Variants in GLIS3 observed in about 807,000 individuals in gnomAD.
GLIS3 encodes the protein zinc finger protein GLIS3.
A neutral mutation model predicts 78.6 loss-of-function variants in GLIS3; 53 were observed. That is an observed-to-expected ratio of 0.67 (90% CI 0.54 to 0.85). The LOEUF is 0.85. Ranked by LOEUF, GLIS3 falls within the 40% of genes least tolerant of loss-of-function variation. The probability of loss-of-function intolerance (pLI) is 0.00; values close to 1 mark genes in which losing one functional copy is unlikely to be tolerated. For missense variants in GLIS3, 1,703 were observed against 1,231.1 expected (o/e 1.38, Z -5.74); for synonymous variants, 684 against 509.9 (o/e 1.34, Z -4.60).
intron 8 of GLIS3, among the ~76,000 whole-genome samples, chr9:3,858,062 C>A (rs1305406179): frequency 1.3e-5 from 2 of 152,154 alleles, no homozygotes; most frequent in African/African-American, 2.4e-5. Flanking sequence ...ACCTATGGTA[C>A]TATTTAACAG....
At chr9:4,042,101 G>A (rs940178403) in intron 4 of GLIS3, among the ~76,000 whole-genome samples, 1 of 151,948 alleles carries the variant, frequency 6.6e-6, no homozygotes, top group Non-Finnish European at 1.5e-5. Context: ...TAGAACGCAC[G>A]TTAATCATTT....
At chr9:4,070,576 G>A (rs919099393) in intron 4 of GLIS3, among the ~76,000 whole-genome samples, 8 of 152,086 alleles carry the variant, frequency 5.3e-5, no homozygotes, top group Admixed American at 1.3e-4. Flanking sequence ...AAGCGAGAGA[G>A]AAAGGAGGGT....
intron 4 of GLIS3, among the ~76,000 whole-genome samples, chr9:4,068,917 A>C (rs1045383711): frequency 1.3e-5 from 2 of 151,938 alleles, no homozygotes; most frequent in Non-Finnish European, 2.9e-5. Flanking sequence ...TGGTCTGTCC[A>C]CTGATTAAAG....
intron 2 of GLIS3, among the ~76,000 whole-genome samples, chr9:4,190,207 G>A (rs139795149): frequency 2.0e-5 from 3 of 152,218 alleles, no homozygotes; most frequent in Admixed American, 1.3e-4. Context: ...AGTTGAGAGT[G>A]AAGGCTTCAG....
chr9:4,243,395 C>G (rs1247836578), intron 2 of GLIS3, among the ~76,000 whole-genome samples: 1 of 26,054 alleles, frequency 3.8e-5, no homozygotes, highest in Non-Finnish European at 4.2e-4. Flanking sequence ...TGCACACATA[C>G]ACGCACACAC....
chr9:4,236,937 G>T (rs1310109495), intron 2 of GLIS3, among the ~76,000 whole-genome samples: 3 of 151,914 alleles, frequency 2.0e-5, no homozygotes, highest in Non-Finnish European at 4.4e-5. Flanking sequence ...ACCAGGATGG[G>T]CTCAGCATCG....
At chr9:4,123,404 T>G (rs2130903728) in intron 3 of GLIS3, among the ~76,000 whole-genome samples, 1 of 152,186 alleles carries the variant, frequency 6.6e-6, no homozygotes, top group Middle Eastern at 3.4e-3. Flanking sequence ...ACACAACAAA[T>G]TTTACTTTTA....
At chr9:4,119,362 T>G (rs985764478) in intron 3 of GLIS3, among the ~76,000 whole-genome samples, 1 of 152,192 alleles carries the variant, frequency 6.6e-6, no homozygotes, top group African/African-American at 2.4e-5. Context: ...AAACTCATGC[T>G]TTATTTGAAA....
At chr9:3,936,906 C>A in intron 5 of GLIS3, 122 bp downstream of exon 5, 2 of 1,347,792 alleles carry the variant, frequency 1.5e-6, no homozygotes, top group East Asian at 2.3e-5. Context: ...CCACTGCTGC[C>A]CTTGGCATTG....
chr9:4,446,676 A>ATTTT, the GLIS3 span, among the ~76,000 whole-genome samples: 1 of 139,606 alleles, frequency 7.2e-6, no homozygotes, highest in Non-Finnish European at 1.5e-5. Context: ...TGCCCGGCTA[A>ATTTT]TTTTTTTTTT....
chr9:4,368,292 G>A, the GLIS3 span, among the ~76,000 whole-genome samples: 1 of 151,664 alleles, frequency 6.6e-6, no homozygotes, highest in Non-Finnish European at 1.5e-5. Context: ...AGCATCACGA[G>A]GCAGAGAAAT....
At chr9:4,454,895 C>T in the GLIS3 span, among the ~76,000 whole-genome samples, 2 of 152,156 alleles carry the variant, frequency 1.3e-5, no homozygotes, top group South Asian at 2.1e-4. Flanking sequence ...TAGAATTGTA[C>T]ACACACTCAC....
chr9:4,270,389 T>G (rs12351481), intron 2 of GLIS3, among the ~76,000 whole-genome samples: 62,547 of 152,036 alleles, frequency 0.41, 13,189 homozygotes, highest in African/African-American at 0.48. Flanking sequence ...TCAGTCTCCA[T>G]GGTCAGCAAT....
intron 8 of GLIS3, chr9:3,875,464 G>A (rs1315045367): frequency 6.6e-6 from 1 of 152,100 alleles, no homozygotes; most frequent in Non-Finnish European, 1.5e-5. Flanking sequence ...CTAAGTAAAT[G>A]ATGAATCAAT....
At chr9:4,209,672 G>C (rs796702189) in intron 2 of GLIS3, among the ~76,000 whole-genome samples, 4 of 152,248 alleles carry the variant, frequency 2.6e-5, no homozygotes, top group African/African-American at 9.6e-5. Context: ...TTCCTATCAT[G>C]TTCCTCTCTG....
At chr9:4,246,579 C>T (rs118006528) in intron 2 of GLIS3, among the ~76,000 whole-genome samples, 2,218 of 152,246 alleles carry the variant, frequency 0.015, 27 homozygotes, top group Middle Eastern at 0.031. Context: ...GAAGCCATAG[C>T]CCATTACTGC....
intron 4 of GLIS3, among the ~76,000 whole-genome samples, chr9:4,001,601 GA>G (rs987823376): frequency 3.3e-5 from 5 of 151,984 alleles, no homozygotes; most frequent in African/African-American, 1.2e-4. Context: ...TCTTTAAAAG[GA>G]AAAAAATTCC....
At chr9:4,239,154 G>A (rs1241994141) in intron 2 of GLIS3, among the ~76,000 whole-genome samples, 1 of 123,380 alleles carries the variant, frequency 8.1e-6, no homozygotes, top group Admixed American at 9.9e-5. Context: ...ACATACATGT[G>A]CATGCACTGT....
the GLIS3 span, among the ~76,000 whole-genome samples, chr9:4,459,808 CAAAAAAGA>C: frequency 1.3e-5 from 2 of 150,788 alleles, no homozygotes; most frequent in South Asian, 2.1e-4. Context: ...GACCCTGTCT[CAAAAAAGA>C]AAAAAAGAAA....
Sources: gnomAD v4.1 joint callset for allele counts (sites outside exome capture counted in the v4.1 genomes callset) on GRCh38, gnomAD v4.1.1 for gene constraint, MANE v1.5 for transcripts, NCBI Gene and HGNC (gene_info 2026-07-23, HGNC 2026-07-21) for gene names.